The following ADAD1 variants were observed in gnomAD, a reference collection of about 807,000 sequenced individuals.
ADAD1 encodes adenosine deaminase domain-containing protein 1.
Under a neutral mutation model 66.8 loss-of-function variants are expected in ADAD1, and 46 were observed. The ratio of observed to expected loss-of-function variants is 0.69; its 90% CI spans 0.54 to 0.88. The LOEUF is 0.88. ADAD1 is among the 40% of genes least tolerant of loss of function. The probability of loss-of-function intolerance (pLI) is 0.00; values close to 1 mark genes in which losing one functional copy is unlikely to be tolerated. For synonymous variants in ADAD1, 248 were observed against 229.4 expected (o/e 1.08, Z -0.73); for missense variants, 617 against 681.8 (o/e 0.91, Z 1.06).
At chr4:122,382,113 A>G (rs1794927109) in intron 4 of ADAD1, among the ~76,000 whole-genome samples, 1 of 152,222 alleles carries the variant, frequency 6.6e-6, no homozygotes, top group Non-Finnish European at 1.5e-5. Flanking sequence ...ATTTCCGTGT[A>G]ACTAGTTAGC....
chr4:122,428,087 A>G (rs1203965915), intron 12 of ADAD1, among the ~76,000 whole-genome samples: 1 of 152,168 alleles, frequency 6.6e-6, no homozygotes, highest in African/African-American at 2.4e-5. Context: ...TAAAACAATT[A>G]ACTTAGATCT....
chr4:122,389,029 T>C (rs888522189), intron 5 of ADAD1, among the ~76,000 whole-genome samples: 3 of 152,206 alleles, frequency 2.0e-5, no homozygotes, highest in African/African-American at 7.2e-5. Context: ...CTCTTAACAC[T>C]ACTTTAGCTG....
intron 10 of ADAD1, 27 bp from the exon 11 acceptor site, chr4:122,415,352 C>A (rs1796680164): frequency 6.5e-7 from 1 of 1,539,714 alleles, no homozygotes; most frequent in Non-Finnish European, 8.9e-7. Context: ...TAATATTGAA[C>A]TTGAGTGTTT....
At chr4:122,403,661 G>A (rs1003960338) in intron 7 of ADAD1, among the ~76,000 whole-genome samples, 6 of 152,102 alleles carry the variant, frequency 3.9e-5, no homozygotes, top group Admixed American at 1.3e-4. Flanking sequence ...ACCATCTGTC[G>A]TAGGAGAATG....
At chr4:122,391,971 A>G (rs58080114) in intron 5 of ADAD1, among the ~76,000 whole-genome samples, 2,663 of 152,228 alleles carry the variant, frequency 0.017, 80 homozygotes, top group African/African-American at 0.061. Flanking sequence ...CAGCCTCCCA[A>G]AATGCTGGGA....
chr4:122,410,265 G>A (rs532756422), intron 8 of ADAD1, among the ~76,000 whole-genome samples: 145 of 152,210 alleles, frequency 9.5e-4, no homozygotes, highest in African/African-American at 3.4e-3. Context: ...GGTGCTTATG[G>A]AATTATTTGA....
intron 5 of ADAD1, among the ~76,000 whole-genome samples, chr4:122,392,660 CA>C (rs1399999538): frequency 6.6e-6 from 1 of 152,136 alleles, no homozygotes; most frequent in Non-Finnish European, 1.5e-5. Flanking sequence ...GCAGTATTCC[CA>C]TTTAACAAAC....
chr4:122,414,275 T>TG (rs35990460), intron 10 of ADAD1, among the ~76,000 whole-genome samples: 8,528 of 92,950 alleles, frequency 0.092, 638 homozygotes, highest in South Asian at 0.2. Context: ...TCTTTTTTTT[T>TG]GGGGGGGGGG....
intron 7 of ADAD1, 54 bp downstream of exon 7, chr4:122,396,431 T>C: frequency 7.0e-7 from 1 of 1,418,448 alleles, no homozygotes; most frequent in South Asian, 1.5e-5. Flanking sequence ...ATAGTAATAT[T>C]TTAGTTAACT....
chr4:122,424,438 T>C (rs987020186), intron 12 of ADAD1, among the ~76,000 whole-genome samples: 6 of 152,122 alleles, frequency 3.9e-5, no homozygotes, highest in African/African-American at 1.4e-4. Flanking sequence ...TATGACAATA[T>C]AACAAAGGAT....
In ADAD1 at chr4:122,380,980, A is replaced by G. The variant is rs1197861349; in HGVS notation, c.173-12A>G. On this transcript the variant is annotated splice_polypyrimidine_tract_variant and intron_variant, in intron 3 of 12. Coordinates refer to ENST00000296513, the MANE Select transcript of ADAD1 (RefSeq NM_139243.4). ...TTTAAACCAAATTGACAAGTATAAC[A>G]TTTGTTTTTAGGTAATTTTCCAGAG... 7 of 1,579,340 alleles carry G rather than the reference A, an allele frequency of 4.4e-6. No individual in the cohort carries two copies. The highest frequency in any genetic ancestry group is 6.0e-6 in the Non-Finnish European group (7 of 1,171,364).
At chr4:122,405,598 A>G (rs927476785) in intron 7 of ADAD1, among the ~76,000 whole-genome samples, 4 of 152,024 alleles carry the variant, frequency 2.6e-5, no homozygotes, top group Non-Finnish European at 5.9e-5. Flanking sequence ...TCTCCACCCT[A>G]CCACCCACAA....
intron 7 of ADAD1, among the ~76,000 whole-genome samples, chr4:122,405,710 T>C (rs1580776844): frequency 6.6e-6 from 1 of 152,204 alleles, no homozygotes; most frequent in East Asian, 1.9e-4. Flanking sequence ...ACTCCAAGTT[T>C]GTACCCTTTG....
intron 11 of ADAD1, among the ~76,000 whole-genome samples, chr4:122,420,393 C>T (rs753511543): frequency 2.6e-5 from 4 of 152,190 alleles, no homozygotes; most frequent in Non-Finnish European, 5.9e-5. Flanking sequence ...TTCACTTACC[C>T]TCTAATAGGC....
chr4:122,416,721 A>G (rs1030611631), intron 11 of ADAD1, among the ~76,000 whole-genome samples: 1 of 151,840 alleles, frequency 6.6e-6, no homozygotes, highest in East Asian at 1.9e-4. Context: ...CAACAGAGTG[A>G]GACCCTATCT....
At chr4:122,383,734 A>T in intron 4 of ADAD1, 65 bp from the exon 5 acceptor site, 1 of 1,497,746 alleles carries the variant, frequency 6.7e-7, no homozygotes, top group South Asian at 1.4e-5. Context: ...TTTCCTATGT[A>T]CATACATTGT....
chr4:122,406,019 G>A (rs968697061), intron 7 of ADAD1, among the ~76,000 whole-genome samples: 7 of 152,022 alleles, frequency 4.6e-5, no homozygotes, highest in African/African-American at 1.7e-4. Context: ...TGGCTATTGT[G>A]AATAATGCTA....
chr4:122,394,359 A>C (rs1795597106), intron 6 of ADAD1, among the ~76,000 whole-genome samples: 2 of 152,162 alleles, frequency 1.3e-5, no homozygotes, highest in South Asian at 4.1e-4. Flanking sequence ...CTTAATTTTT[A>C]CTTTTACTAC....
intron 4 of ADAD1, among the ~76,000 whole-genome samples, chr4:122,381,447 G>C (rs1410576865): frequency 6.6e-6 from 1 of 152,112 alleles, no homozygotes; most frequent in African/African-American, 2.4e-5. Context: ...CTATTTTGGG[G>C]TGTAATTACT....
Sources: gnomAD v4.1 joint callset for allele counts (sites outside exome capture counted in the v4.1 genomes callset) on GRCh38, gnomAD v4.1.1 for gene constraint, MANE v1.5 for transcripts, NCBI Gene and HGNC (gene_info 2026-07-23, HGNC 2026-07-21) for gene names.